MTAP: variants seen among roughly 807,000 people sequenced by gnomAD.
MTAP encodes S-methyl-5'-thioadenosine phosphorylase.
In MTAP, 33 loss-of-function variants were observed where a neutral mutation model predicts 33.6. The ratio of observed to expected loss-of-function variants is 0.98; its 90% CI spans 0.74 to 1.31. The LOEUF (loss-of-function observed/expected upper bound fraction) is 1.31. MTAP is among the 40% of genes most tolerant of loss of function. The pLI, the probability that MTAP is intolerant of heterozygous loss-of-function variation, is 0.00. For missense variants in MTAP, 367 were observed against 360.0 expected, an observed-to-expected ratio of 1.02 and a Z score of -0.16; for synonymous variants, 148 against 125.7, an observed-to-expected ratio of 1.18 and a Z score of -1.19.
chr9:21,827,555 A>G (rs1202276532), intron 4 of MTAP, among the ~76,000 whole-genome samples: 1 of 152,196 alleles, frequency 6.6e-6, no homozygotes, highest in Non-Finnish European at 1.5e-5. Context: ...TAAAATGGTT[A>G]CATATTTCTC....
intron 1 of MTAP, among the ~76,000 whole-genome samples, chr9:21,884,602 G>A (rs769656328): frequency 6.6e-6 from 1 of 152,158 alleles, no homozygotes; most frequent in African/African-American, 2.4e-5. Flanking sequence ...GTATGTAGTG[G>A]AGCCCCACTT....
intron 1 of MTAP, among the ~76,000 whole-genome samples, chr9:21,896,945 C>T (rs1165098431): frequency 1.3e-5 from 2 of 152,066 alleles, no homozygotes; most frequent in African/African-American, 4.8e-5. Context: ...AATTTTAAAC[C>T]AATATCCCTG....
intron 4 of MTAP, among the ~76,000 whole-genome samples, chr9:21,834,257 G>A (rs1201680176): frequency 6.6e-6 from 1 of 152,204 alleles, no homozygotes; most frequent in Non-Finnish European, 1.5e-5. Context: ...TGATATAACT[G>A]AGGTGCAGAG....
At position 21,866,551 on chromosome 9, in the gene MTAP, T is replaced by G. The variant is rs528758637; in HGVS notation, c.*4537T>G. 6.6e-6 allele frequency: 1 copy of G among 152,244 alleles called. No homozygotes were observed. The highest frequency in any genetic ancestry group is 1.5e-5 in the Non-Finnish European group (1 of 67,994). 9.4% of individuals were successfully genotyped at this position (152,244 alleles called of 1,614,324 possible). A position where few individuals can be genotyped will look rare whatever the true frequency, so the allele number is the denominator to read the frequency against. ...ATTACCTGTGTGCCCTTGTCAAAAT[T>G]TACTGTTTATCTGTGAATCTGGATG... On this transcript the variant is annotated 3_prime_UTR_variant, in exon 8 of 8. Coordinates refer to ENST00000644715, the MANE Select transcript of MTAP (RefSeq NM_002451.4).
intron 1 of MTAP, among the ~76,000 whole-genome samples, chr9:21,925,555 C>T (rs1818856556): frequency 6.6e-6 from 1 of 152,232 alleles, no homozygotes; most frequent in Non-Finnish European, 1.5e-5. Flanking sequence ...AGAATACTCT[C>T]CCAGTTAACT....
intron 1 of MTAP, among the ~76,000 whole-genome samples, chr9:21,907,650 T>C (rs1455808896): frequency 6.6e-6 from 1 of 151,154 alleles, no homozygotes; most frequent in Non-Finnish European, 1.5e-5. Flanking sequence ...ATATCCTTTC[T>C]CATAAATAAT....
intron 1 of MTAP, chr9:21,803,349 C>T (rs780079376): frequency 1.8e-5 from 3 of 166,290 alleles, no homozygotes; most frequent in Non-Finnish European, 2.6e-5. Flanking sequence ...TAGGCCTTCT[C>T]CGCGCTGAAG....
At position 21,904,732 on chromosome 9, in the gene MTAP, A is replaced by G. The variant is rs554946796; in HGVS notation, c.148-26276A>G. ...TGATTAGTAAGGTTTTTTAACACCAAATTTTTCAGCATATAATTGTCTCGA... is the reference window on the plus strand; with the variant it reads ...TGATTAGTAAGGTTTTTTAACACCAGATTTTTCAGCATATAATTGTCTCGA... On this transcript the variant is annotated intron_variant, in intron 1 of 1. Transcript: ENST00000577563. 5.0e-4 allele frequency among the ~76,000 whole-genome samples: 76 copies of G among 152,320 alleles called. 3 individuals carry two copies. In the South Asian group the frequency reaches 0.015, roughly 31 times the overall value.
At chr9:21,868,490 A>C (rs1039707542), downstream of MTAP, among the ~76,000 whole-genome samples, 6 of 152,188 alleles carry the variant, frequency 3.9e-5, no homozygotes. Flanking sequence ...TCTTACAGAC[A>C]TGTGCCTCCC....
intron 5 of MTAP, among the ~76,000 whole-genome samples, chr9:21,844,960 G>A (rs1825342130): frequency 2.6e-5 from 4 of 152,144 alleles, no homozygotes; most frequent in African/African-American, 7.2e-5. Flanking sequence ...GAACCCGGGA[G>A]GTGGAGCTTG....
At chr9:21,807,504 G>A (rs1824238378) in intron 1 of MTAP, among the ~76,000 whole-genome samples, 1 of 152,090 alleles carries the variant, frequency 6.6e-6, no homozygotes, top group Non-Finnish European at 1.5e-5. Context: ...TTCTTTTGTA[G>A]GACTGTCCCA....
At chr9:21,828,241 A>G (rs558678256) in intron 4 of MTAP, among the ~76,000 whole-genome samples, 11 of 152,226 alleles carry the variant, frequency 7.2e-5, no homozygotes, top group Admixed American at 6.5e-4. Flanking sequence ...CAAAGTCTCT[A>G]ATAAGTGCCT....
intron 1 of MTAP, among the ~76,000 whole-genome samples, chr9:21,876,716 T>C (rs1826015267): frequency 1.3e-5 from 2 of 152,172 alleles, no homozygotes; most frequent in African/African-American, 4.8e-5. Context: ...TCGGTTCCAT[T>C]GGTCTATGTA....
chr9:21,901,811 ATAAATT>A, intron 1 of MTAP, among the ~76,000 whole-genome samples: 1 of 152,194 alleles, frequency 6.6e-6, no homozygotes, highest in Non-Finnish European at 1.5e-5. Flanking sequence ...CACAATACAA[ATAAATT>A]TAAAACAGTG....
intron 1 of MTAP, among the ~76,000 whole-genome samples, chr9:21,887,006 T>G (rs956076849): frequency 2.0e-5 from 3 of 152,218 alleles, no homozygotes; most frequent in South Asian, 4.1e-4. Flanking sequence ...GGAATTGCAA[T>G]GAATTTGTGC....
Position 21,865,838 on chromosome 9 carries a change from G to C in MTAP, c.*3824G>C. The C allele has an allele frequency of 1.0e-6, 1 of 981,884 alleles. No homozygotes were observed. The highest frequency in any genetic ancestry group is 1.2e-6 in the Non-Finnish European group (1 of 823,596). The allele number at this position is 981,884 out of a possible 1,614,324, so 60.8% of individuals were successfully genotyped here. A position where few individuals can be genotyped will look rare whatever the true frequency, so the allele number is the denominator to read the frequency against. ...CTCATGTTGCATGCATCTGTAGCTTGTGCCTTTTTTATTGCCTAGTAGTAT... is the reference window on the plus strand; with the variant it reads ...CTCATGTTGCATGCATCTGTAGCTTCTGCCTTTTTTATTGCCTAGTAGTAT... On this transcript the variant is annotated 3_prime_UTR_variant, in exon 8 of 8. Transcript: ENST00000644715.
rs887005850 is a variant in MTAP, at chr9:21,863,058, A to G, written c.*1044A>G. On this transcript the variant is annotated 3_prime_UTR_variant, in exon 8 of 8. Coordinates refer to ENST00000644715, the MANE Select transcript of MTAP (RefSeq NM_002451.4). ...CTTTATTCTGCTAAAGAAGAGGATC[A>G]TTGATTTCTGTACAGTCAGAACAGT... The G allele has an allele frequency of 7.1e-6, 7 of 985,346 alleles. No individual in the cohort carries two copies. The African/African-American group carries it at 1.2e-4, about 17-fold the overall frequency. 61.0% of individuals were successfully genotyped at this position (985,346 alleles called of 1,614,324 possible).
At chr9:21,849,873 A>G (rs1825470529) in intron 5 of MTAP, among the ~76,000 whole-genome samples, 1 of 152,230 alleles carries the variant, frequency 6.6e-6, no homozygotes, top group African/African-American at 2.4e-5. Flanking sequence ...AAATTAACAC[A>G]TCTCCTGGTA....
chr9:21,847,551 G>T (rs577171023), intron 5 of MTAP, among the ~76,000 whole-genome samples: 4 of 152,150 alleles, frequency 2.6e-5, no homozygotes, highest in Non-Finnish European at 4.4e-5. Context: ...CTCGTGAGAG[G>T]CAAGGACTCT....
Sources: gnomAD v4.1 joint callset for allele counts (sites outside exome capture counted in the v4.1 genomes callset) on GRCh38, gnomAD v4.1.1 for gene constraint, MANE v1.5 for transcripts, NCBI Gene and HGNC (gene_info 2026-07-23, HGNC 2026-07-21) for gene names.